DAND5: variants seen among roughly 807,000 people sequenced by gnomAD.
DAND5 encodes the protein DAN domain family member 5.
DAND5 carries 8 observed loss-of-function variants against 9.2 expected under a neutral mutation model. That is an observed-to-expected ratio of 0.87 (90% CI 0.51 to 1.56). The LOEUF is 1.56. DAND5 is among the 40% of genes most tolerant of loss of function. The probability of loss-of-function intolerance (pLI) is 0.00; values close to 1 mark genes in which losing one functional copy is unlikely to be tolerated. For synonymous variants in DAND5, 95 were observed against 101.1 expected, an observed-to-expected ratio of 0.94 and a Z score of 0.36; for missense variants, 244 against 244.7, an observed-to-expected ratio of 1.00 and a Z score of 0.02.
intron 1 of DAND5, among the ~76,000 whole-genome samples, chr19:12,970,853 G>A (rs1172437557): frequency 2.0e-5 from 3 of 152,016 alleles, no homozygotes; most frequent in Non-Finnish European, 4.4e-5. Context: ...GCTAAATTTT[G>A]TACTTTTTGT....
Position 12,973,743 on chromosome 19 carries a change from G to A in DAND5, c.*109G>A. On this transcript the variant is annotated 3_prime_UTR_variant, in exon 2 of 2. Transcript: ENST00000317060. Reference sequence around the variant, plus strand: ...GATGTACTCTGGGTCAAGAGACCAGGGATGCAGGGTTAGGCAGACAGGTCC... The same window carrying A: ...GATGTACTCTGGGTCAAGAGACCAGAGATGCAGGGTTAGGCAGACAGGTCC... 2 of 1,515,886 alleles carry A rather than the reference G, an allele frequency of 1.3e-6. No homozygotes were observed. Among genetic ancestry groups the A allele is most frequent in the Non-Finnish European group, 1.8e-6 (2 of 1,131,366 alleles). 93.9% of individuals were successfully genotyped at this position (1,515,886 alleles called of 1,614,324 possible). A position where few individuals can be genotyped will look rare whatever the true frequency, so the allele number is the denominator to read the frequency against.
Position 12,973,795 on chromosome 19 carries a change from C to A in DAND5, c.*161C>A. ...CAGAGTCCTCACCCTGCTCCCCAGACAGTAGACACAGTGCCCGTCCTGGAG... is the reference window on the plus strand; with the variant it reads ...CAGAGTCCTCACCCTGCTCCCCAGAAAGTAGACACAGTGCCCGTCCTGGAG... On this transcript the variant is annotated 3_prime_UTR_variant, in exon 2 of 2. Transcript: ENST00000317060. 2.1e-6 allele frequency: 2 copies of A among 965,094 alleles called. No individual in the cohort carries two copies. The highest frequency in any genetic ancestry group is 3.0e-6 in the Non-Finnish European group (2 of 667,972). 59.8% of individuals were successfully genotyped at this position (965,094 alleles called of 1,614,324 possible).
At chr19:12,970,479 C>A in intron 1 of DAND5, 1 of 702,250 alleles carries the variant, frequency 1.4e-6, no homozygotes, top group Non-Finnish European at 2.6e-6. Flanking sequence ...GTTGCCCAAG[C>A]TAGTCTTGAG....
chr19:12,973,113 T>C (rs181591934), intron 1 of DAND5, among the ~76,000 whole-genome samples: 6,823 of 151,574 alleles, frequency 0.045, 480 homozygotes, highest in African/African-American at 0.15. Flanking sequence ...CCGCCCGCCT[T>C]GGCCTCCCAA....
rs60689658 is a variant in DAND5, at chr19:12,970,639, C to CTCTTTCTTTCTT, written c.324+666_324+677dup. On this transcript the variant is annotated intron_variant, in intron 1 of 1. Transcript: ENST00000317060. ...TTTCTTTCTTTGTTTTTCTTTTTTT[C>CTCTTTCTTTCTT]TCTTTCTTTCTTTCTTTCTTTCCTT... The CTCTTTCTTTCTT allele has an allele frequency of 1.3e-3, 585 of 458,870 alleles. 1 individual carries two copies. Among genetic ancestry groups the CTCTTTCTTTCTT allele is most frequent in the African/African-American group, 0.012 (544 of 45,756 alleles). The allele number at this position is 458,870 out of a possible 1,614,324, so 28.4% of individuals were successfully genotyped here. A position where few individuals can be genotyped will look rare whatever the true frequency, so the allele number is the denominator to read the frequency against.
At position 12,973,608 on chromosome 19, in the gene DAND5, G is replaced by A. The variant is rs1336917406; in HGVS notation, c.544G>A (p.Gly182Arg). 1 of 1,614,072 alleles carries A rather than the reference G, an allele frequency of 6.2e-7. No homozygotes were observed. The highest frequency in any genetic ancestry group is 8.5e-7 in the Non-Finnish European group (1 of 1,179,994). The change falls in exon 2 of 2, where the codon GGG (glycine) becomes AGG (arginine). Residue 182 changes from glycine (G) to arginine (R), a missense_variant. Transcript: ENST00000317060. ...RVKISTMLIE[G>R]CHCSPKA ...GAAGATATCCACCATGCTGATCGAG[G>A]GGTGTCACTGCAGCCCAAAAGCATG...
chr19:12,973,493 C>G lies in DAND5; in HGVS notation c.429C>G (p.Val143=). 1 of 1,614,172 alleles carries G rather than the reference C, an allele frequency of 6.2e-7. No individual in the cohort carries two copies. The highest frequency in any genetic ancestry group is 8.5e-7 in the Non-Finnish European group (1 of 1,180,030). Residue 143 remains valine (V), a synonymous_variant, in exon 2 of 2, where the codon GTC becomes GTG. Transcript: ENST00000317060. ...YIPGSDPTPL[V]LCNSCMPARK... ...CTGGCTCGGACCCCACCCCACTAGT[C>G]CTGTGCAACAGCTGTATGCCTGCTC...
At position 12,974,080 on chromosome 19, in the gene DAND5, T is replaced by G. The variant is rs1252146354; in HGVS notation, c.*446T>G. On this transcript the variant is annotated 3_prime_UTR_variant, in exon 2 of 2. Coordinates refer to ENST00000317060, the MANE Select transcript of DAND5 (RefSeq NM_152654.3). ...GGTTTCACCGTGTTAGCCAGGATGG[T>G]CTCTATCTCCTGACCTCGTGATCTG... is the stretch of plus-strand genomic sequence containing the variant. 2 of 170,102 alleles carry G rather than the reference T, an allele frequency of 1.2e-5. No homozygotes were observed. Among genetic ancestry groups the G allele is most frequent in the Admixed American group, 1.1e-4 (2 of 17,894 alleles). 10.5% of individuals were successfully genotyped at this position (170,102 alleles called of 1,614,324 possible). A position where few individuals can be genotyped will look rare whatever the true frequency, so the allele number is the denominator to read the frequency against.
rs751613321 is a variant in DAND5, at chr19:12,969,889, C to A, written c.229C>A (p.Leu77Met). ...QKARQLGMGRLQRGQDEVAAV... is the reference protein window; with the variant it reads ...QKARQLGMGRMQRGQDEVAAV... ...AGCCAGGCAGCTGGGGATGGGCAGG[C>A]TGCAGCGTGGGCAAGACGAGGTGGC... The change falls in exon 1 of 2, where the codon CTG becomes ATG. Residue 77 changes from leucine to methionine, a missense_variant. Coordinates refer to ENST00000317060, the MANE Select transcript of DAND5 (RefSeq NM_152654.3). 5 of 1,614,172 alleles carry A rather than the reference C, an allele frequency of 3.1e-6. No homozygotes were observed. In the South Asian group the frequency reaches 5.5e-5, roughly 18 times the overall value.
chr19:12,970,322 C>T, intron 1 of DAND5: 1 of 618,188 alleles, frequency 1.6e-6, no homozygotes, highest in East Asian at 2.8e-5. Context: ...TCACAGCCCA[C>T]AAATTTCTGT....
Position 12,971,845 on chromosome 19 carries a change from C to G in DAND5, c.325-1544C>G, listed in dbSNP as rs1176847961. 2.0e-5 allele frequency among the ~76,000 whole-genome samples: 3 copies of G among 151,930 alleles called. No individual in the cohort carries two copies. In the East Asian group the frequency reaches 5.8e-4, roughly 30 times the overall value. Reference sequence around the variant, plus strand: ...ACCTCAAATGATCCACCCACCTCAGCCTCCCAAAGTGCCAGGATTACAGGC... The same window carrying G: ...ACCTCAAATGATCCACCCACCTCAGGCTCCCAAAGTGCCAGGATTACAGGC... On this transcript the variant is annotated intron_variant, in intron 1 of 1. Coordinates refer to ENST00000317060, the MANE Select transcript of DAND5 (RefSeq NM_152654.3).
In DAND5 at chr19:12,973,611, T is replaced by C. The variant is rs367706500; in HGVS notation, c.547T>C (p.Cys183Arg). The change falls in exon 2 of 2, where the codon TGT (cysteine) becomes CGT (arginine). Residue 183 changes from cysteine (C) to arginine (R), a missense_variant. Coordinates refer to ENST00000317060, the MANE Select transcript of DAND5 (RefSeq NM_152654.3). ...GATATCCACCATGCTGATCGAGGGG[T>C]GTCACTGCAGCCCAAAAGCATGAAC... The part of the protein sequence containing the change: ...VKISTMLIEG[C>R]HCSPKA 253 of 1,613,576 alleles carry C rather than the reference T, an allele frequency of 1.6e-4. No individual in the cohort carries two copies. The highest frequency in any genetic ancestry group is 3.3e-4 in the African/African-American group (25 of 74,768).
intron 1 of DAND5, among the ~76,000 whole-genome samples, chr19:12,972,738 G>A (rs890196674): frequency 3.3e-5 from 5 of 151,334 alleles, no homozygotes; most frequent in Non-Finnish European, 7.4e-5. Context: ...ATGGGGTTTC[G>A]CCATATTGGC....
At chr19:12,973,255 C>A in intron 1 of DAND5, 134 bp from the exon 2 acceptor site, 1 of 1,267,992 alleles carries the variant, frequency 7.9e-7, no homozygotes, top group Non-Finnish European at 1.1e-6. Context: ...ACAGCAGAGT[C>A]AGGATTTGAA....
intron 1 of DAND5, among the ~76,000 whole-genome samples, chr19:12,972,210 C>G (rs911364066): frequency 6.6e-6 from 1 of 151,944 alleles, no homozygotes; most frequent in South Asian, 2.1e-4. Context: ...AGGCGCCCAC[C>G]ACCACGCCTG....
At chr19:12,970,974 C>T (rs1310795238) in intron 1 of DAND5, among the ~76,000 whole-genome samples, 1 of 152,202 alleles carries the variant, frequency 6.6e-6, no homozygotes, top group African/African-American at 2.4e-5. Context: ...GCCACTGCGC[C>T]AGGCCAATGA....
In DAND5 at chr19:12,973,337, A is replaced by T. The variant is rs1410261228; in HGVS notation, c.325-52A>T. On this transcript the variant is annotated intron_variant, in intron 1 of 1. Transcript: ENST00000317060. ...AAGTGGACAGGTGATTATCCTCGCC[A>T]CTCTGGCCCCAAACTCCGCCACCCT... The T allele has an allele frequency of 1.9e-6, 3 of 1,588,744 alleles. No homozygotes were observed. The East Asian group carries it at 6.7e-5, about 36-fold the overall frequency.
Position 12,973,649 on chromosome 19 carries a change from A to G in DAND5, c.*15A>G. ...CAAAAGCATGAACTGAGCATCGTGG[A>G]TGGGTGCACGGAGACACGCACCTTG... On this transcript the variant is annotated 3_prime_UTR_variant, in exon 2 of 2. Transcript: ENST00000317060. 1 of 1,611,360 alleles carries G rather than the reference A, an allele frequency of 6.2e-7. No individual in the cohort carries two copies. The highest frequency in any genetic ancestry group is 2.2e-5 in the East Asian group (1 of 44,856).
chr19:12,970,378 C>T, intron 1 of DAND5: 2 of 679,004 alleles, frequency 2.9e-6, no homozygotes, highest in South Asian at 3.1e-5. Context: ...CTCCCACTCT[C>T]CCCCTCAGTT....
Sources: allele counts gnomAD v4.1 joint callset (sites outside exome capture counted in the v4.1 genomes callset), GRCh38; gene constraint gnomAD v4.1.1; transcripts MANE v1.5; gene names NCBI Gene and HGNC (gene_info 2026-07-23, HGNC 2026-07-21).